ARHGAP12: variants seen among roughly 807,000 people sequenced by gnomAD.
The protein encoded by ARHGAP12 is rho GTPase-activating protein 12.
Under a neutral mutation model 108.6 loss-of-function variants are expected in ARHGAP12, and 64 were observed. The ratio of observed to expected loss-of-function variants is 0.59; its 90% CI spans 0.48 to 0.73. ARHGAP12 has a LOEUF of 0.73. Ranked by LOEUF, ARHGAP12 falls within the 30% of genes least tolerant of loss-of-function variation. The probability of loss-of-function intolerance (pLI) is 0.00; values close to 1 mark genes in which losing one functional copy is unlikely to be tolerated. For synonymous variants in ARHGAP12, 312 were observed against 337.2 expected (o/e 0.93, Z 0.82); for missense variants, 940 against 1,005.9 (o/e 0.93, Z 0.89).
chr10:31,917,338 A>C (rs1015267335), intron 1 of ARHGAP12, among the ~76,000 whole-genome samples: 3 of 152,158 alleles, frequency 2.0e-5, no homozygotes, highest in Non-Finnish European at 4.4e-5. Flanking sequence ...AACAGGAGGC[A>C]GAGGTTGCAG....
intron 11 of ARHGAP12, among the ~76,000 whole-genome samples, chr10:31,822,119 G>A (rs77861162): frequency 0.024 from 3,615 of 151,390 alleles, 155 homozygotes; most frequent in African/African-American, 0.082. Context: ...GCAACATTTC[G>A]TTAGTTATTA....
chr10:31,928,360 C>T (rs926172052), intron 1 of ARHGAP12, among the ~76,000 whole-genome samples: 3 of 151,306 alleles, frequency 2.0e-5, no homozygotes, highest in African/African-American at 7.3e-5. Context: ...GGGCGCTGCC[C>T]TCACACAGGA....
At chr10:31,850,688 T>C (rs956888516) in intron 6 of ARHGAP12, among the ~76,000 whole-genome samples, 6 of 152,182 alleles carry the variant, frequency 3.9e-5, no homozygotes, top group African/African-American at 1.4e-4. Context: ...ATAAGTTTTA[T>C]TGGAAGACAA....
chr10:31,855,227 CT>C (rs1324855153), intron 4 of ARHGAP12, among the ~76,000 whole-genome samples: 1 of 151,960 alleles, frequency 6.6e-6, no homozygotes, highest in Non-Finnish European at 1.5e-5. Context: ...AATTAGAAGA[CT>C]GGGAAAATTT....
At chr10:31,858,042 A>G (rs2132297975) in intron 4 of ARHGAP12, among the ~76,000 whole-genome samples, 1 of 152,190 alleles carries the variant, frequency 6.6e-6, no homozygotes, top group Non-Finnish European at 1.5e-5. Flanking sequence ...CATAGCTACA[A>G]AAAATTAAAA....
chr10:31,822,963 A>C (rs1835470125), intron 11 of ARHGAP12, among the ~76,000 whole-genome samples: 1 of 152,194 alleles, frequency 6.6e-6, no homozygotes, highest in Non-Finnish European at 1.5e-5. Flanking sequence ...CAAAAGAGTG[A>C]CTATTTTTAG....
chr10:31,828,990 A>T (rs1032298087), intron 10 of ARHGAP12, among the ~76,000 whole-genome samples: 2 of 152,158 alleles, frequency 1.3e-5, no homozygotes, highest in South Asian at 2.1e-4. Flanking sequence ...CGTCTCTACT[A>T]AAAATACAAA....
At chr10:31,909,464 A>G (rs1177790907) in intron 2 of ARHGAP12, among the ~76,000 whole-genome samples, 1 of 152,202 alleles carries the variant, frequency 6.6e-6, no homozygotes, top group Non-Finnish European at 1.5e-5. Context: ...TTCCCCCAAA[A>G]GACAGTTCAA....
intron 18 of ARHGAP12, 83 bp from the exon 19 acceptor site, chr10:31,808,834 G>T: frequency 6.9e-7 from 1 of 1,448,628 alleles, no homozygotes; most frequent in Non-Finnish European, 9.6e-7. Context: ...GCTGATATTT[G>T]GTAATACACA....
At chr10:31,826,546 C>T (rs868148013) in intron 10 of ARHGAP12, among the ~76,000 whole-genome samples, 161 bp from the exon 11 acceptor site, 4 of 152,110 alleles carry the variant, frequency 2.6e-5, no homozygotes, top group Non-Finnish European at 4.4e-5. Flanking sequence ...ATGCAATTTA[C>T]AGTCATTTTA....
chr10:31,925,121 A>G (rs1839976459), intron 1 of ARHGAP12, among the ~76,000 whole-genome samples: 1 of 152,164 alleles, frequency 6.6e-6, no homozygotes, highest in Non-Finnish European at 1.5e-5. Context: ...TGGGAGAATT[A>G]AGTAAATGTG....
chr10:31,849,525 G>C (rs555268515), intron 6 of ARHGAP12, among the ~76,000 whole-genome samples: 49 of 152,252 alleles, frequency 3.2e-4, no homozygotes, highest in African/African-American at 1.1e-3. Flanking sequence ...ATTTATCTTA[G>C]ACTTACTAGT....
At chr10:31,878,739 T>C (rs114278106) in intron 3 of ARHGAP12, among the ~76,000 whole-genome samples, 1 of 152,168 alleles carries the variant, frequency 6.6e-6, no homozygotes, top group Admixed American at 6.5e-5. Context: ...AATGGCAGAG[T>C]TGAACACTTG....
In ARHGAP12 at chr10:31,822,637, T is replaced by C. The variant is rs531911335; in HGVS notation, c.1531-2149A>G. ...TTGTGTTAGCCATTGGGAGGAATCA[T>C]GTCAGGCCCTTTACGATCTTGATTA... On this transcript the variant is annotated intron_variant, in intron 11 of 19. Transcript: ENST00000344936. Among the ~76,000 whole-genome samples, 22 of 152,328 alleles carry C rather than the reference T, an allele frequency of 1.4e-4. No individual in the cohort carries two copies. In the South Asian group the frequency reaches 2.7e-3, roughly 19 times the overall value.
At position 31,908,908 on chromosome 10, in the gene ARHGAP12, G is replaced by A; in HGVS notation, c.-53C>T. On this transcript the variant is annotated 5_prime_UTR_variant, in exon 3 of 20. Coordinates refer to ENST00000344936, the MANE Select transcript of ARHGAP12 (RefSeq NM_018287.7). ...TGTTATACCACATTATGGCTTTATG[G>A]CTTGTTGGATGAATATAGCTGTTTT... 1 of 1,452,384 alleles carries A rather than the reference G, an allele frequency of 6.9e-7. No individual in the cohort carries two copies. The highest frequency in any genetic ancestry group is 9.2e-7 in the Non-Finnish European group (1 of 1,085,352). The allele number at this position is 1,452,384 out of a possible 1,614,324, so 90.0% of individuals were successfully genotyped here.
intron 3 of ARHGAP12, among the ~76,000 whole-genome samples, chr10:31,864,073 C>T (rs1837232942): frequency 6.6e-6 from 1 of 152,134 alleles, no homozygotes; most frequent in Non-Finnish European, 1.5e-5. Flanking sequence ...AGTATAATTG[C>T]TCTACTCAAC....
At chr10:31,833,769 G>A (rs192522245) in intron 9 of ARHGAP12, among the ~76,000 whole-genome samples, 1 of 152,258 alleles carries the variant, frequency 6.6e-6, no homozygotes, top group East Asian at 1.9e-4. Flanking sequence ...TAAGGAACAG[G>A]AGTCAGCTAG....
At chr10:31,811,499 G>A (rs1019792257) in intron 15 of ARHGAP12, among the ~76,000 whole-genome samples, 1 of 149,510 alleles carries the variant, frequency 6.7e-6, no homozygotes, top group Non-Finnish European at 1.5e-5. Flanking sequence ...GAAAAGGCCT[G>A]GTGAACAAAT....
At position 31,923,132 on chromosome 10, in the gene ARHGAP12, G is replaced by GAAAAAAAAAAA. The variant is rs58930834; in HGVS notation, c.-111+5540_-111+5550dup. On this transcript the variant is annotated intron_variant, in intron 1 of 19. Transcript: ENST00000344936. ...GGGTGACAGAGCAAGACCCTAACAG[G>GAAAAAAAAAAA]AAAAAAAAAAAAAAAAAAAACAGGC... 2.4e-5 allele frequency among the ~76,000 whole-genome samples: 2 copies of GAAAAAAAAAAA among 83,226 alleles called. 1 individual carries two copies. Among genetic ancestry groups the GAAAAAAAAAAA allele is most frequent in the African/African-American group, 1.1e-4 (2 of 18,096 alleles). 54.6% of individuals were successfully genotyped at this position (83,226 alleles called of 152,430 possible).
Sources: gnomAD v4.1 joint callset for allele counts (sites outside exome capture counted in the v4.1 genomes callset) on GRCh38, gnomAD v4.1.1 for gene constraint, MANE v1.5 for transcripts, NCBI Gene and HGNC (gene_info 2026-07-23, HGNC 2026-07-21) for gene names.